Variants in DKK2 observed in about 807,000 individuals in gnomAD.
The protein encoded by DKK2 is dickkopf-related protein 2.
Under a neutral mutation model 28.1 loss-of-function variants are expected in DKK2, and 11 were observed. The observed-to-expected ratio is 0.39, with a 90% CI of 0.25 to 0.65. DKK2 has a LOEUF of 0.65. DKK2 is among the 30% of genes least tolerant of loss of function. The pLI, the probability that DKK2 is intolerant of heterozygous loss-of-function variation, is 0.47. For synonymous variants in DKK2, 135 were observed against 126.5 expected, an observed-to-expected ratio of 1.07 and a Z score of -0.45; for missense variants, 326 against 335.5, an observed-to-expected ratio of 0.97 and a Z score of 0.22.
intron 1 of DKK2, among the ~76,000 whole-genome samples, chr4:106,985,312 A>G (rs1029264370): frequency 2.6e-5 from 4 of 151,920 alleles, no homozygotes; most frequent in Non-Finnish European, 1.5e-5. Flanking sequence ...AAGAAGCAGC[A>G]TGAGAAATCC....
chr4:107,029,865 T>C (rs746287724), intron 1 of DKK2, among the ~76,000 whole-genome samples: 4 of 152,154 alleles, frequency 2.6e-5, no homozygotes. Context: ...TAAAAGGATA[T>C]CTGATGTCCA....
At chr4:107,014,280 T>A (rs1273748158) in intron 1 of DKK2, among the ~76,000 whole-genome samples, 3 of 151,594 alleles carry the variant, frequency 2.0e-5, no homozygotes, top group Non-Finnish European at 4.4e-5. Context: ...ATGTGGCATA[T>A]ATACACAATA....
intron 1 of DKK2, among the ~76,000 whole-genome samples, chr4:107,015,502 A>T (rs1578379284): frequency 6.6e-6 from 1 of 151,636 alleles, no homozygotes; most frequent in Non-Finnish European, 1.5e-5. Context: ...CACTACATAC[A>T]TCTCCCAATT....
At chr4:107,002,183 C>G (rs1159276039) in intron 1 of DKK2, among the ~76,000 whole-genome samples, 1 of 152,206 alleles carries the variant, frequency 6.6e-6, no homozygotes, top group African/African-American at 2.4e-5. Context: ...TCCTAAATTA[C>G]ATCGTTCTGA....
intron 1 of DKK2, among the ~76,000 whole-genome samples, chr4:106,955,831 GAAGTATATATTACCCTTCTGTC>G (rs765681354): frequency 6.6e-6 from 1 of 152,148 alleles, no homozygotes; most frequent in African/African-American, 2.4e-5. Flanking sequence ...GTAAAGATTT[GAAGTATATATTACCCTTCTGTC>G]AAGTCCTCTC....
intron 1 of DKK2, among the ~76,000 whole-genome samples, chr4:106,989,034 G>A (rs941549160): frequency 6.6e-6 from 1 of 152,060 alleles, no homozygotes; most frequent in African/African-American, 2.4e-5. Context: ...CCTCTGACTC[G>A]CCTCTTCCTG....
chr4:107,036,273 C>G lies in DKK2; in HGVS notation c.-682G>C, dbSNP rs1014295406. On this transcript the variant is annotated 5_prime_UTR_variant, in exon 1 of 4. Transcript: ENST00000285311. ...CAGCGATGCCTAGGGAGCGGACTTGCGCTACGCTCGCCGCGGGCTCCCGCT... is the reference window on the plus strand; with the variant it reads ...CAGCGATGCCTAGGGAGCGGACTTGGGCTACGCTCGCCGCGGGCTCCCGCT... 6.6e-6 allele frequency: 1 copy of G among 152,266 alleles called. No homozygotes were observed. The highest frequency in any genetic ancestry group is 6.5e-5 in the Admixed American group (1 of 15,292). The allele number at this position is 152,266 out of a possible 1,614,324, so 9.4% of individuals were successfully genotyped here. A position where few individuals can be genotyped will look rare whatever the true frequency, so the allele number is the denominator to read the frequency against.
intron 1 of DKK2, among the ~76,000 whole-genome samples, chr4:107,005,283 G>T (rs562170925): frequency 1.7e-3 from 244 of 146,688 alleles, no homozygotes; most frequent in Non-Finnish European, 2.7e-3. Flanking sequence ...GGAGCTTGCA[G>T]TGAGCCAAGA....
intron 1 of DKK2, among the ~76,000 whole-genome samples, chr4:107,008,216 TATTC>T (rs957361579): frequency 6.6e-6 from 1 of 152,154 alleles, no homozygotes; most frequent in Non-Finnish European, 1.5e-5. Flanking sequence ...AATATTCATT[TATTC>T]ATTCATTCAA....
intron 1 of DKK2, among the ~76,000 whole-genome samples, chr4:106,979,805 A>G (rs1722999575): frequency 6.6e-6 from 1 of 152,218 alleles, no homozygotes; most frequent in East Asian, 1.9e-4. Flanking sequence ...GCACAGATGC[A>G]GTTTCTGTCT....
intron 1 of DKK2, among the ~76,000 whole-genome samples, chr4:106,974,371 G>A (rs893208316): frequency 6.6e-6 from 1 of 152,160 alleles, no homozygotes; most frequent in Non-Finnish European, 1.5e-5. Context: ...TCCTATCCAT[G>A]AGCATGGAAT....
intron 1 of DKK2, among the ~76,000 whole-genome samples, chr4:107,026,902 A>G (rs1217068363): frequency 6.6e-6 from 1 of 152,212 alleles, no homozygotes; most frequent in South Asian, 2.1e-4. Context: ...CATATTCCAA[A>G]AAGGAAAATA....
intron 1 of DKK2, among the ~76,000 whole-genome samples, chr4:106,947,954 T>C (rs1645559702): frequency 6.6e-6 from 1 of 152,068 alleles, no homozygotes; most frequent in Non-Finnish European, 1.5e-5. Context: ...CTCAGCAAAT[T>C]AACCATTTTA....
At position 107,035,484 on chromosome 4, in the gene DKK2, G is replaced by A. The variant is rs773580799; in HGVS notation, c.108C>T (p.Asn36=). 9 of 1,614,222 alleles carry A rather than the reference G, an allele frequency of 5.6e-6. No individual in the cohort carries two copies. Among genetic ancestry groups the A allele is most frequent in the Non-Finnish European group, 6.8e-6 (8 of 1,180,048 alleles). The change falls in exon 1 of 4, where the codon AAC becomes AAT. Residue 36 remains asparagine (N), a synonymous_variant. Transcript: ENST00000285311. ...SQIGSSRAKL[N]SIKSSLGGET... ...CCCCGCCCAGAGAGGACTTGATGGAGTTGAGTTTGGCCCGCGAACTGCCGA... is the reference window on the plus strand; with the variant it reads ...CCCCGCCCAGAGAGGACTTGATGGAATTGAGTTTGGCCCGCGAACTGCCGA...
intron 1 of DKK2, among the ~76,000 whole-genome samples, chr4:106,997,622 G>A (rs191620749): frequency 1.3e-5 from 2 of 152,072 alleles, no homozygotes; most frequent in Non-Finnish European, 2.9e-5. Context: ...TCCAAAAAAA[G>A]TTAATGGGGA....
intron 1 of DKK2, among the ~76,000 whole-genome samples, chr4:106,968,457 C>T (rs1285462295): frequency 6.6e-6 from 1 of 152,058 alleles, no homozygotes; most frequent in Non-Finnish European, 1.5e-5. Flanking sequence ...TTCATGTGAA[C>T]GTGTGTGTGT....
chr4:107,015,259 T>G (rs567934590), intron 1 of DKK2, among the ~76,000 whole-genome samples: 50 of 151,756 alleles, frequency 3.3e-4, no homozygotes, highest in African/African-American at 1.2e-3. Flanking sequence ...TCTAATGTCA[T>G]GAAAGGGAAG....
chr4:107,003,650 A>G (rs1412415092), intron 1 of DKK2, among the ~76,000 whole-genome samples: 1 of 152,254 alleles, frequency 6.6e-6, no homozygotes, highest in Admixed American at 6.5e-5. Flanking sequence ...TCAGCCAAGC[A>G]TATACACCAG....
At chr4:107,011,815 G>A (rs1288627922) in intron 1 of DKK2, among the ~76,000 whole-genome samples, 1 of 151,250 alleles carries the variant, frequency 6.6e-6, no homozygotes, top group East Asian at 1.9e-4. Context: ...TTTACCCAAA[G>A]TGTTTTGCAC....
Sources: gnomAD v4.1 joint callset for allele counts (sites outside exome capture counted in the v4.1 genomes callset) on GRCh38, gnomAD v4.1.1 for gene constraint, MANE v1.5 for transcripts, NCBI Gene and HGNC (gene_info 2026-07-23, HGNC 2026-07-21) for gene names.